The following TFPI variants were observed in gnomAD, a reference collection of about 807,000 sequenced individuals.
TFPI encodes the protein anti-convertin.
TFPI carries 15 observed loss-of-function variants against 34.6 expected under a neutral mutation model. The ratio of observed to expected loss-of-function variants is 0.43; its 90% CI spans 0.29 to 0.67. The LOEUF (loss-of-function observed/expected upper bound fraction) is 0.67, where lower values mean the gene tolerates loss of function less well. Ranked by LOEUF, TFPI falls within the 30% of genes least tolerant of loss-of-function variation. TFPI has a pLI of 0.15. For missense variants in TFPI, 301 were observed against 364.0 expected (o/e 0.83, Z 1.41); for synonymous variants, 105 against 120.1 (o/e 0.87, Z 0.82).
At chr2:187,473,760 A>G (rs1384363972) in intron 6 of TFPI, among the ~76,000 whole-genome samples, 6 of 151,740 alleles carry the variant, frequency 4.0e-5, no homozygotes, top group African/African-American at 1.5e-4. Flanking sequence ...CTATAAAGAA[A>G]AAAAAAACGG....
chr2:187,548,666 G>C (rs563958765), intron 1 of TFPI, among the ~76,000 whole-genome samples: 1 of 152,006 alleles, frequency 6.6e-6, no homozygotes, highest in African/African-American at 2.4e-5. Context: ...GGTGGGGAGA[G>C]TAATATTGAC....
At chr2:187,480,285 A>G (rs10202762) in intron 6 of TFPI, among the ~76,000 whole-genome samples, 152,000 of 152,120 alleles carry the variant, frequency 1, 75,940 homozygotes, top group Middle Eastern at 1. Context: ...GGCCTGGTGA[A>G]TTAAGTGTAT....
intron 1 of TFPI, among the ~76,000 whole-genome samples, chr2:187,532,645 T>C (rs189921425): frequency 9.2e-5 from 14 of 152,166 alleles, no homozygotes; most frequent in South Asian, 4.1e-4. Context: ...AAGAAAAAAA[T>C]TGGACAGCCT....
Position 187,488,438 on chromosome 2 carries a change from G to T in TFPI, c.320-63C>A. The T allele has an allele frequency of 4.6e-6, 5 of 1,078,194 alleles. No homozygotes were observed. In the South Asian group the frequency reaches 6.2e-5, roughly 13 times the overall value. 66.8% of individuals were successfully genotyped at this position (1,078,194 alleles called of 1,614,324 possible). On this transcript the variant is annotated intron_variant, in intron 3 of 7. Transcript: ENST00000233156. ...ATTTATAAAGTAATACTATGAATTT[G>T]AATTTAACAAACAAGAGTGACATAT... is the stretch of plus-strand genomic sequence containing the variant.
At chr2:187,537,424 A>C (rs919620950) in intron 1 of TFPI, among the ~76,000 whole-genome samples, 3 of 152,210 alleles carry the variant, frequency 2.0e-5, no homozygotes, top group African/African-American at 7.2e-5. Context: ...GAGGCCTCAG[A>C]GATAACGCCA....
In TFPI at chr2:187,484,215, C is replaced by G; in HGVS notation, c.537G>C (p.Pro179=). 6.2e-7 allele frequency: 1 copy of G among 1,608,350 alleles called. No individual in the cohort carries two copies. Among genetic ancestry groups the G allele is most frequent in the Non-Finnish European group, 8.5e-7 (1 of 1,177,282 alleles). The change falls in exon 6 of 8, where the codon CCG becomes CCC. Residue 179 remains proline, a splice_region_variant and synonymous_variant. Transcript: ENST00000233156. The part of the protein sequence containing the change: ...EECKNICEDG[P]NGFQVDNYGT... ...CATAATTATCCACCTGGAAACCATT[C>G]GCTGGAAAAAAATACAGCCAATTAA...
chr2:187,534,894 CA>C (rs141872954), intron 1 of TFPI, among the ~76,000 whole-genome samples: 49 of 138,692 alleles, frequency 3.5e-4, no homozygotes, highest in Admixed American at 3.7e-4. Flanking sequence ...AAATGGAAAG[CA>C]AAAAAAAAAA....
In TFPI at chr2:187,553,870, A is replaced by C. The variant is rs151182465; in HGVS notation, c.-3+330T>G. ...CCGAACTTTCAAGAACTTCCAATTA[A>C]CCAAGCACAATTAGTAAAGAATTCT... On this transcript the variant is annotated intron_variant, in intron 1 of 7. Coordinates refer to ENST00000233156, the MANE Select transcript of TFPI (RefSeq NM_006287.6). 6.1e-3 allele frequency among the ~76,000 whole-genome samples: 923 copies of C among 152,328 alleles called. 9 individuals carry two copies. The highest frequency in any genetic ancestry group is 0.021 in the African/African-American group (874 of 41,574).
intron 3 of TFPI, among the ~76,000 whole-genome samples, chr2:187,491,577 T>C (rs1263007720): frequency 1.3e-5 from 2 of 152,118 alleles, no homozygotes; most frequent in Non-Finnish European, 2.9e-5. Context: ...TATATAAATA[T>C]CACATTTTAT....
At chr2:187,478,869 A>G (rs1156335657) in intron 6 of TFPI, 5 of 1,353,654 alleles carry the variant, frequency 3.7e-6, no homozygotes, top group East Asian at 4.6e-5. Context: ...ACTGTGGTCA[A>G]TGCTGAGGGT....
intron 1 of TFPI, among the ~76,000 whole-genome samples, chr2:187,505,979 C>T (rs930695080): frequency 4.0e-5 from 6 of 150,446 alleles, no homozygotes; most frequent in East Asian, 1.9e-4. Flanking sequence ...TAAATAGTAG[C>T]GTATGTAATT....
intron 1 of TFPI, among the ~76,000 whole-genome samples, chr2:187,512,742 G>T (rs1174498685): frequency 2.0e-5 from 3 of 151,724 alleles, no homozygotes; most frequent in East Asian, 1.9e-4. Flanking sequence ...GAAAAGAATG[G>T]TTATCATCTT....
At chr2:187,525,852 T>C (rs1052928065) in intron 1 of TFPI, among the ~76,000 whole-genome samples, 4 of 143,612 alleles carry the variant, frequency 2.8e-5, no homozygotes, top group African/African-American at 1.1e-4. Context: ...CTATTCATTT[T>C]TAGCACTTTG....
At chr2:187,540,890 C>CA (rs56921212) in intron 1 of TFPI, among the ~76,000 whole-genome samples, 959 of 84,680 alleles carry the variant, frequency 0.011, 15 homozygotes, top group African/African-American at 0.042. Context: ...GACTCCATCT[C>CA]AAAAAAAAAA....
intron 2 of TFPI, among the ~76,000 whole-genome samples, chr2:187,497,881 G>C (rs1452302973): frequency 6.6e-6 from 1 of 151,728 alleles, no homozygotes; most frequent in Non-Finnish European, 1.5e-5. Context: ...TACCAGTAAA[G>C]ATAGACACTG....
At chr2:187,519,047 T>A (rs1420006690) in intron 1 of TFPI, 1 of 152,158 alleles carries the variant, frequency 6.6e-6, no homozygotes, top group Non-Finnish European at 1.5e-5. Flanking sequence ...ATTTCTATAA[T>A]CTTTTTTTTA....
At chr2:187,506,430 G>A (rs1040104633) in intron 1 of TFPI, among the ~76,000 whole-genome samples, 2 of 152,166 alleles carry the variant, frequency 1.3e-5, no homozygotes, top group East Asian at 3.9e-4. Context: ...TGTTACGTTA[G>A]TATGGTGCAC....
chr2:187,469,345 A>G (rs1336874921), intron 6 of TFPI, among the ~76,000 whole-genome samples: 6 of 152,126 alleles, frequency 3.9e-5, no homozygotes, highest in South Asian at 4.1e-4. Context: ...TAGGTCTTTG[A>G]CTAGGTATAT....
intron 6 of TFPI, among the ~76,000 whole-genome samples, chr2:187,471,367 A>G (rs1692026385): frequency 6.6e-6 from 1 of 152,150 alleles, no homozygotes; most frequent in Non-Finnish European, 1.5e-5. Context: ...CATTGTTTCC[A>G]AATAGCAAAT....
Sources: gnomAD v4.1 joint callset for allele counts (sites outside exome capture counted in the v4.1 genomes callset) on GRCh38, gnomAD v4.1.1 for gene constraint, MANE v1.5 for transcripts, NCBI Gene and HGNC (gene_info 2026-07-23, HGNC 2026-07-21) for gene names.